TMEM178B: variants seen among roughly 807,000 people sequenced by gnomAD.
TMEM178B encodes the protein transmembrane protein 178B.
Under a neutral mutation model 31.0 loss-of-function variants are expected in TMEM178B, and 5 were observed. The observed-to-expected ratio is 0.16, with a 90% CI of 0.08 to 0.34. The LOEUF (loss-of-function observed/expected upper bound fraction) is 0.34, where lower values mean the gene tolerates loss of function less well. TMEM178B is among the 10% of genes least tolerant of loss of function. The probability of loss-of-function intolerance (pLI) is 1.00; values close to 1 mark genes in which losing one functional copy is unlikely to be tolerated. For synonymous variants in TMEM178B, 164 were observed against 164.0 expected (o/e 1.00, Z 0.00); for missense variants, 275 against 400.3 (o/e 0.69, Z 2.67).
chr7:141,306,205 A>G (rs1019746831), intron 2 of TMEM178B, among the ~76,000 whole-genome samples: 38 of 152,190 alleles, frequency 2.5e-4, no homozygotes, highest in African/African-American at 8.7e-4. Context: ...AACCCAATCA[A>G]ATCAGAAAGA....
intron 2 of TMEM178B, among the ~76,000 whole-genome samples, chr7:141,292,827 G>C (rs1022092463): frequency 2.0e-5 from 3 of 151,692 alleles, no homozygotes; most frequent in South Asian, 4.2e-4. Context: ...TAGTAGAGAT[G>C]GTGTTTCACC....
intron 1 of TMEM178B, among the ~76,000 whole-genome samples, chr7:141,207,470 A>T (rs772114524): frequency 5.9e-5 from 9 of 152,126 alleles, no homozygotes; most frequent in Non-Finnish European, 1.2e-4. Flanking sequence ...ATTTATTTTG[A>T]TAATAGCCAT....
intron 2 of TMEM178B, among the ~76,000 whole-genome samples, chr7:141,328,041 C>T (rs1480915971): frequency 3.3e-5 from 5 of 152,150 alleles, no homozygotes; most frequent in African/African-American, 9.7e-5. Context: ...GTGAATCTTT[C>T]AAGGATCTTA....
Position 141,470,693 on chromosome 7 carries a change from C to G in TMEM178B, c.792C>G (p.Ile264Met). ...CAWGGLGLTL[I>M]SGFFCTLAPS... ...GGGGGGGCCTGGGCCTCACACTCAT[C>G]TCGGGATTCTTCTGTACCTTAGCCC... is the stretch of plus-strand genomic sequence containing the variant. Residue 264 changes from isoleucine (I) to methionine (M), a missense_variant, in exon 4 of 4, where the codon ATC (isoleucine) becomes ATG (methionine). Ile to Met is a conservative substitution (Grantham distance 10). Transcript: ENST00000565468. 2 of 1,535,800 alleles carry G rather than the reference C, an allele frequency of 1.3e-6. No homozygotes were observed. The highest frequency in any genetic ancestry group is 1.7e-6 in the Non-Finnish European group (2 of 1,146,844).
At chr7:141,181,515 A>G (rs1264664538) in intron 1 of TMEM178B, among the ~76,000 whole-genome samples, 2 of 152,190 alleles carry the variant, frequency 1.3e-5, no homozygotes, top group Admixed American at 1.3e-4. Flanking sequence ...CTGGCTTCCC[A>G]CAGAGGGAAA....
chr7:141,398,188 A>G (rs1800691431), intron 2 of TMEM178B, among the ~76,000 whole-genome samples: 1 of 152,344 alleles, frequency 6.6e-6, no homozygotes, highest in South Asian at 2.1e-4. Flanking sequence ...AAACTTTAGG[A>G]TATTTAAGAC....
chr7:141,288,029 A>G (rs948799991), intron 2 of TMEM178B, among the ~76,000 whole-genome samples: 1 of 152,002 alleles, frequency 6.6e-6, no homozygotes, highest in African/African-American at 2.4e-5. Context: ...ATGTTCTAGC[A>G]CTTTTTGAGC....
intron 3 of TMEM178B, among the ~76,000 whole-genome samples, chr7:141,470,117 T>C (rs139262415): frequency 6.6e-6 from 1 of 152,358 alleles, no homozygotes. Flanking sequence ...GAGAAAAGAT[T>C]GTTTTTCTCT....
chr7:141,101,635 A>T (rs1033876798), intron 1 of TMEM178B, among the ~76,000 whole-genome samples: 1 of 152,234 alleles, frequency 6.6e-6, no homozygotes, highest in African/African-American at 2.4e-5. Context: ...AGCCGGAGAG[A>T]CTGATGGATA....
chr7:141,467,451 T>G (rs1171262094), intron 3 of TMEM178B, among the ~76,000 whole-genome samples: 1 of 152,208 alleles, frequency 6.6e-6, no homozygotes, highest in Non-Finnish European at 1.5e-5. Flanking sequence ...CACCTTCCGT[T>G]GTTTCTACAA....
intron 1 of TMEM178B, among the ~76,000 whole-genome samples, chr7:141,143,279 C>T (rs968144739): frequency 5.3e-5 from 8 of 152,170 alleles, no homozygotes; most frequent in African/African-American, 1.7e-4. Context: ...CTTAGTCATA[C>T]ATTCTTTCTC....
intron 2 of TMEM178B, among the ~76,000 whole-genome samples, chr7:141,280,517 C>T (rs145794136): frequency 6.6e-5 from 10 of 152,256 alleles, no homozygotes; most frequent in East Asian, 5.8e-4. Context: ...CTGTGTGAGA[C>T]GTGCCTTTCA....
chr7:141,258,730 C>T (rs1309623372), intron 2 of TMEM178B, among the ~76,000 whole-genome samples: 1 of 152,086 alleles, frequency 6.6e-6, no homozygotes, highest in Non-Finnish European at 1.5e-5. Context: ...ATATAGAATT[C>T]TTGGTTAAAC....
At chr7:141,432,934 A>G (rs1801464138) in intron 2 of TMEM178B, among the ~76,000 whole-genome samples, 2 of 152,228 alleles carry the variant, frequency 1.3e-5, no homozygotes. Context: ...TGTGCTGGTC[A>G]TCCCCAGAAA....
intron 2 of TMEM178B, among the ~76,000 whole-genome samples, chr7:141,216,886 G>A (rs975189721): frequency 1.3e-5 from 2 of 152,070 alleles, no homozygotes; most frequent in African/African-American, 4.8e-5. Flanking sequence ...TCCTGCCTCT[G>A]TGGGCTCCAA....
chr7:141,286,007 G>A (rs1798442433), intron 2 of TMEM178B, among the ~76,000 whole-genome samples: 1 of 151,926 alleles, frequency 6.6e-6, no homozygotes, highest in African/African-American at 2.4e-5. Context: ...CGGGTTGATG[G>A]GTGCAGCAAA....
At chr7:141,118,604 G>A (rs1466392578) in intron 1 of TMEM178B, among the ~76,000 whole-genome samples, 1 of 152,210 alleles carries the variant, frequency 6.6e-6, no homozygotes, top group African/African-American at 2.4e-5. Context: ...GGGCCTGCTC[G>A]TTAGAGTCCT....
intron 1 of TMEM178B, among the ~76,000 whole-genome samples, chr7:141,150,768 C>A (rs149702556): frequency 6.6e-6 from 1 of 152,264 alleles, no homozygotes; most frequent in East Asian, 1.9e-4. Flanking sequence ...CCTAGTCAGC[C>A]GACAAGACTG....
intron 2 of TMEM178B, among the ~76,000 whole-genome samples, chr7:141,334,986 G>A (rs1799358686): frequency 6.6e-6 from 1 of 152,210 alleles, no homozygotes; most frequent in Admixed American, 6.5e-5. Flanking sequence ...AGGATCTTTT[G>A]TTTCACCTTT....
Sources: gnomAD v4.1 joint callset for allele counts (sites outside exome capture counted in the v4.1 genomes callset) on GRCh38, gnomAD v4.1.1 for gene constraint, MANE v1.5 for transcripts, NCBI Gene and HGNC (gene_info 2026-07-23, HGNC 2026-07-21) for gene names.